Variants in NSD3 observed in about 807,000 individuals in gnomAD.
NSD3 encodes the protein nuclear receptor binding SET domain protein 3, also known as histone-lysine N-methyltransferase NSD3.
In NSD3, 24 loss-of-function variants were observed where a neutral mutation model predicts 160.8. That is an observed-to-expected ratio of 0.15 (90% CI 0.11 to 0.21). The LOEUF (loss-of-function observed/expected upper bound fraction) is 0.21, where lower values mean the gene tolerates loss of function less well. Ranked by LOEUF, NSD3 falls within the 10% of genes least tolerant of loss-of-function variation. The probability of loss-of-function intolerance (pLI) is 1.00; values close to 1 mark genes in which losing one functional copy is unlikely to be tolerated. For missense variants in NSD3, 1,157 were observed against 1,735.9 expected (o/e 0.67, Z 5.93); for synonymous variants, 520 against 600.0 (o/e 0.87, Z 1.95).
chr8:38,317,691 A>T lies in NSD3; in HGVS notation c.1855+1204T>A. ...CCAAAAACAGTCCATGTTGAAATTG[A>T]TCAGTGTAAGTTAAATGGTGGTTTT... is the stretch of plus-strand genomic sequence containing the variant. On this transcript the variant is annotated intron_variant, in intron 9 of 23. Coordinates refer to ENST00000317025, the MANE Select transcript of NSD3 (RefSeq NM_023034.2). This position sits in a 1 kb window ranked among gnomAD's most constrained non-coding sequence, Gnocchi z 5.3. The T allele has an allele frequency of 7.8e-7, 1 of 1,274,052 alleles. No individual in the cohort carries two copies. Among genetic ancestry groups the T allele is most frequent in the Non-Finnish European group, 9.9e-7 (1 of 1,006,730 alleles). The allele number at this position is 1,274,052 out of a possible 1,614,324, so 78.9% of individuals were successfully genotyped here.
At position 38,326,815 on chromosome 8, in the gene NSD3, G is replaced by T. The variant is rs985658115; in HGVS notation, c.1623C>A (p.Asp541Glu). ...GGTTTGGTGTAGAAATTATAAGCCT[G>T]TCTTGCCCCCTGACACTTATTTCTG... ...NKTEISVRGQ[D>E]RLIISTPNQR... The change falls in exon 7 of 24, where the codon GAC becomes GAA. Residue 541 changes from aspartate to glutamate, a missense_variant. Coordinates refer to ENST00000317025, the MANE Select transcript of NSD3 (RefSeq NM_023034.2). The T allele has an allele frequency of 2.5e-6, 4 of 1,613,990 alleles. No individual in the cohort carries two copies. Among genetic ancestry groups the T allele is most frequent in the Non-Finnish European group, 3.4e-6 (4 of 1,179,970 alleles).
chr8:38,364,190 T>C (rs1446158628), intron 1 of NSD3, among the ~76,000 whole-genome samples: 1 of 152,042 alleles, frequency 6.6e-6, no homozygotes, highest in African/African-American at 2.4e-5. Flanking sequence ...GGTGGGACGA[T>C]CGCTTGAACC....
chr8:38,354,559 A>G (rs1810775964), intron 1 of NSD3, among the ~76,000 whole-genome samples: 1 of 152,230 alleles, frequency 6.6e-6, no homozygotes, highest in African/African-American at 2.4e-5. Context: ...AATATGTGAT[A>G]AAGTGTCATG....
At chr8:38,370,491 T>C (rs1811218249) in intron 1 of NSD3, among the ~76,000 whole-genome samples, 1 of 152,146 alleles carries the variant, frequency 6.6e-6, no homozygotes, top group Middle Eastern at 3.4e-3. Context: ...AGCTTAAGCT[T>C]AATATGTCAG....
At chr8:38,282,032 G>C (rs1421938613) in intron 19 of NSD3, among the ~76,000 whole-genome samples, 2 of 152,180 alleles carry the variant, frequency 1.3e-5, no homozygotes, top group African/African-American at 4.8e-5. Context: ...GGCAAAAATA[G>C]TACATGGGAA....
At chr8:38,301,108 T>C (rs1405730977) in intron 14 of NSD3, among the ~76,000 whole-genome samples, 1 of 152,188 alleles carries the variant, frequency 6.6e-6, no homozygotes, top group Non-Finnish European at 1.5e-5. Flanking sequence ...TAGCTAGGAC[T>C]ACAGCCATTT....
intron 19 of NSD3, among the ~76,000 whole-genome samples, chr8:38,285,032 GA>G (rs1422316643): frequency 2.6e-5 from 4 of 152,070 alleles, no homozygotes; most frequent in Admixed American, 1.3e-4. Flanking sequence ...ATTCAACTGT[GA>G]AAAAAAATTG....
chr8:38,285,069 G>A (rs1808827861), intron 19 of NSD3, among the ~76,000 whole-genome samples: 1 of 152,120 alleles, frequency 6.6e-6, no homozygotes, highest in Admixed American at 6.5e-5. Context: ...CTTAAAAAAT[G>A]CTACAGATCT....
chr8:38,381,779 C>T lies in NSD3; in HGVS notation c.-45+20G>A, dbSNP rs1215426647. 1 of 153,954 alleles carries T rather than the reference C, an allele frequency of 6.5e-6. No individual in the cohort carries two copies. The highest frequency in any genetic ancestry group is 1.4e-5 in the Non-Finnish European group (1 of 69,304). 9.5% of individuals were successfully genotyped at this position (153,954 alleles called of 1,614,324 possible). Reference sequence around the variant, plus strand: ...ACACACACACACACACACACATACACACACGCACACGCACTTTACCTTCAG... The same window carrying T: ...ACACACACACACACACACACATACATACACGCACACGCACTTTACCTTCAG... On this transcript the variant is annotated intron_variant, in intron 1 of 23. Coordinates refer to ENST00000317025, the MANE Select transcript of NSD3 (RefSeq NM_023034.2).
At position 38,315,562 on chromosome 8, in the gene NSD3, C is replaced by T. The variant is rs764163281; in HGVS notation, c.1987-18G>A. The T allele has an allele frequency of 1.9e-6, 3 of 1,610,904 alleles. No homozygotes were observed. Among genetic ancestry groups the T allele is most frequent in the Non-Finnish European group, 2.5e-6 (3 of 1,179,158 alleles). On this transcript the variant is annotated intron_variant, in intron 10 of 23. Transcript: ENST00000317025. ...AAGCCTACCTACATAGAAAACATAG[C>T]ATTTTTAAGAAAAACAAAATGAAAA... is the stretch of plus-strand genomic sequence containing the variant.
At chr8:38,283,848 A>T (rs1466236429) in intron 19 of NSD3, among the ~76,000 whole-genome samples, 1 of 152,074 alleles carries the variant, frequency 6.6e-6, no homozygotes, top group African/African-American at 2.4e-5. Context: ...TCATGCTGTA[A>T]TCCTAGCACT....
At chr8:38,308,613 G>T (rs779089557) in intron 12 of NSD3, among the ~76,000 whole-genome samples, 2 of 152,020 alleles carry the variant, frequency 1.3e-5, no homozygotes, top group African/African-American at 4.8e-5. Context: ...GAGCACAGGA[G>T]TTCAAGACCA....
At chr8:38,331,033 T>G (rs1810045455) in intron 5 of NSD3, among the ~76,000 whole-genome samples, 1 of 152,216 alleles carries the variant, frequency 6.6e-6, no homozygotes, top group African/African-American at 2.4e-5. Flanking sequence ...CATTAAATAT[T>G]TTTAAAAGTT....
At chr8:38,305,193 T>A in intron 13 of NSD3, 55 bp downstream of exon 13, 1 of 1,559,930 alleles carries the variant, frequency 6.4e-7, no homozygotes. Context: ...TTGATAATGT[T>A]ATTTGCCACT....
intron 22 of NSD3, among the ~76,000 whole-genome samples, chr8:38,277,289 G>GT (rs1563339625): frequency 6.6e-6 from 1 of 151,872 alleles, no homozygotes. Context: ...TATTTATTTA[G>GT]TTTTTTGAGA....
At chr8:38,278,987 A>G (rs1563340261) in intron 21 of NSD3, among the ~76,000 whole-genome samples, 4 of 152,112 alleles carry the variant, frequency 2.6e-5, no homozygotes, top group African/African-American at 2.4e-5. Context: ...CTTCTCACCA[A>G]TTTTTCTACA....
chr8:38,351,877 G>C (rs181169555), intron 1 of NSD3, among the ~76,000 whole-genome samples: 2 of 151,856 alleles, frequency 1.3e-5, no homozygotes, highest in African/African-American at 4.8e-5. Context: ...GTTGTGGGGT[G>C]GGGGGAGTGG....
chr8:38,338,264 C>A (rs1276286891), intron 3 of NSD3, among the ~76,000 whole-genome samples: 3 of 149,242 alleles, frequency 2.0e-5, no homozygotes, highest in African/African-American at 7.4e-5. Flanking sequence ...TGCGCCACTG[C>A]ACTCCAGCCT....
intron 3 of NSD3, chr8:38,337,697 AC>A (rs1387392470): frequency 2.1e-5 from 7 of 330,586 alleles, no homozygotes; most frequent in Non-Finnish European, 3.8e-5. Context: ...GGGTCAAAAA[AC>A]ATCAGAAATT....
Sources: gnomAD v4.1 joint callset for allele counts (sites outside exome capture counted in the v4.1 genomes callset) on GRCh38, gnomAD v4.1.1 for gene constraint, Gnocchi (gnomAD v3.1) non-coding constraint, MANE v1.5 for transcripts, NCBI Gene and HGNC (gene_info 2026-07-23, HGNC 2026-07-21) for gene names.